The following GTF2IRD1 variants were observed in gnomAD, a reference collection of about 807,000 sequenced individuals.
GTF2IRD1 encodes the protein GTF2I repeat domain containing 1.
GTF2IRD1 carries 26 observed loss-of-function variants against 113.2 expected under a neutral mutation model. The ratio of observed to expected loss-of-function variants is 0.23; its 90% CI spans 0.17 to 0.32. The LOEUF is 0.32. GTF2IRD1 is among the 10% of genes least tolerant of loss of function. The pLI is 1.00. For synonymous variants in GTF2IRD1, 484 were observed against 529.1 expected (o/e 0.91, Z 1.17); for missense variants, 864 against 1,280.8 (o/e 0.67, Z 4.97).
At chr7:74,591,835 G>A (rs1208546916) in intron 24 of GTF2IRD1, among the ~76,000 whole-genome samples, 5 of 151,688 alleles carry the variant, frequency 3.3e-5, no homozygotes, top group Admixed American at 3.3e-4. Flanking sequence ...GCCCAGGCTG[G>A]TCTTGAACTC....
rs782719821 is a variant in GTF2IRD1, at chr7:74,555,177, C to T, written c.1920C>T (p.Pro640=). Residue 640 remains proline (P), a synonymous_variant, in exon 18 of 27, where the codon CCC becomes CCT. Transcript: ENST00000424337. The surrounding 1 kb of genome is among the most constrained non-coding windows in gnomAD (Gnocchi z 5.3). ...SNSIQFVIKR[P]ELLTEGVKEP... Reference sequence around the variant, plus strand: ...TAGCCTCGCTTGTGTTTTCCAGGCCCGAGCTGCTCACTGAGGGAGTCAAAG... The same window carrying T: ...TAGCCTCGCTTGTGTTTTCCAGGCCTGAGCTGCTCACTGAGGGAGTCAAAG... 29 of 1,613,606 alleles carry T rather than the reference C, an allele frequency of 1.8e-5. No individual in the cohort carries two copies. Among genetic ancestry groups the T allele is most frequent in the Non-Finnish European group, 2.3e-5 (27 of 1,179,900 alleles).
intron 1 of GTF2IRD1, among the ~76,000 whole-genome samples, chr7:74,486,127 C>T (rs368943428): frequency 5.3e-5 from 8 of 152,148 alleles, no homozygotes; most frequent in Middle Eastern, 3.4e-3. Flanking sequence ...CCCAACACCA[C>T]GCCCAGCTAA....
chr7:74,570,778 G>A lies in GTF2IRD1; in HGVS notation c.2320+11123G>A, dbSNP rs2130865198. 2.0e-5 allele frequency among the ~76,000 whole-genome samples: 3 copies of A among 152,320 alleles called. No homozygotes were observed. In the Middle Eastern group the frequency reaches 0.01, roughly 518 times the overall value. ...AGAGGTTGAGCTGCCACTCACTAGA[G>A]AGGCCGCTTCCTATAGGGCTTGCTG... On this transcript the variant is annotated intron_variant, in intron 22 of 26. Transcript: ENST00000424337.
chr7:74,555,525 TC>T lies in GTF2IRD1; in HGVS notation c.2023+34del. The T allele has an allele frequency of 7.3e-7, 1 of 1,369,560 alleles. No individual in the cohort carries two copies. Among genetic ancestry groups the T allele is most frequent in the Non-Finnish European group, 1.0e-6 (1 of 957,474 alleles). 84.8% of individuals were successfully genotyped at this position (1,369,560 alleles called of 1,614,324 possible). ...GTTGAGCTCACGGGGAGGTCTGTTG[TC>T]CCAGCACCAGGACATTGACCTGGTT... On this transcript the variant is annotated intron_variant, in intron 19 of 26. Transcript: ENST00000424337. The surrounding 1 kb of genome is among the most constrained non-coding windows in gnomAD (Gnocchi z 5.3).
At chr7:74,560,444 T>C (rs1293108974) in intron 22 of GTF2IRD1, among the ~76,000 whole-genome samples, 1 of 147,494 alleles carries the variant, frequency 6.8e-6, no homozygotes, top group African/African-American at 2.5e-5. Flanking sequence ...TTTAAAAAAA[T>C]ATTTTATATA....
At chr7:74,545,338 C>T (rs1325802247) in intron 15 of GTF2IRD1, among the ~76,000 whole-genome samples, 1 of 152,012 alleles carries the variant, frequency 6.6e-6, no homozygotes, top group Non-Finnish European at 1.5e-5. Context: ...TCCCCAAACC[C>T]AGCCTGGCAG....
intron 1 of GTF2IRD1, among the ~76,000 whole-genome samples, chr7:74,484,111 G>A (rs1476117416): frequency 6.6e-6 from 1 of 152,128 alleles, no homozygotes; most frequent in Non-Finnish European, 1.5e-5. Context: ...TCCATTCTGG[G>A]ACAGTTCTTC....
chr7:74,518,036 A>G, intron 4 of GTF2IRD1, 103 bp from the exon 5 acceptor site: 4 of 735,182 alleles, frequency 5.4e-6, no homozygotes, highest in Non-Finnish European at 8.4e-6. Context: ...CCCCGCACCA[A>G]GGGGAGCCAC....
Position 74,476,403 on chromosome 7 carries a change from C to T in GTF2IRD1, c.-7+22227C>T, listed in dbSNP as rs765534740. Among the ~76,000 whole-genome samples the T allele has an allele frequency of 1.6e-4, 19 of 119,208 alleles. 1 individual carries two copies. The highest frequency in any genetic ancestry group is 5.5e-4 in the South Asian group (2 of 3,624). The allele number at this position is 119,208 out of a possible 152,430, so 78.2% of individuals were successfully genotyped here. On this transcript the variant is annotated intron_variant, in intron 1 of 26. Coordinates refer to ENST00000424337, the MANE Select transcript of GTF2IRD1 (RefSeq NM_005685.4). Reference sequence around the variant, plus strand: ...CTTTTGAGACGGAGTCTCACTCTGTCGCCCAGGCTGGAGTGCAGCGGTGCG... The same window carrying T: ...CTTTTGAGACGGAGTCTCACTCTGTTGCCCAGGCTGGAGTGCAGCGGTGCG...
intron 17 of GTF2IRD1, among the ~76,000 whole-genome samples, chr7:74,552,844 T>C (rs1799390638): frequency 6.6e-6 from 1 of 152,190 alleles, no homozygotes; most frequent in Admixed American, 6.5e-5. Flanking sequence ...GTTTGTTTTC[T>C]ATTTTTTGAG....
chr7:74,536,263 C>G lies in GTF2IRD1; in HGVS notation c.1397C>G (p.Ala466Gly). 6.2e-7 allele frequency: 1 copy of G among 1,604,744 alleles called. No individual in the cohort carries two copies. The change falls in exon 11 of 27, where the codon GCT becomes GGT. Residue 466 changes from alanine to glycine, a missense_variant. Coordinates refer to ENST00000424337, the MANE Select transcript of GTF2IRD1 (RefSeq NM_005685.4). ...EVSRATVLDL[A>G]GNARSDKGSM... Reference sequence around the variant, plus strand: ...TCTAGGGCCACCGTCCTTGACCTTGCTGGGAATGCTCGGTGAGGCCCCGCC... The same window carrying G: ...TCTAGGGCCACCGTCCTTGACCTTGGTGGGAATGCTCGGTGAGGCCCCGCC...
chr7:74,480,681 G>A (rs544665328), intron 1 of GTF2IRD1, among the ~76,000 whole-genome samples: 6 of 152,298 alleles, frequency 3.9e-5, no homozygotes, highest in South Asian at 4.1e-4. Flanking sequence ...TCTGCCCGGC[G>A]GATCCTGGCC....
intron 1 of GTF2IRD1, among the ~76,000 whole-genome samples, chr7:74,499,844 TAGTG>T (rs1404224678): frequency 2.6e-5 from 4 of 151,532 alleles, no homozygotes; most frequent in East Asian, 1.9e-4. Flanking sequence ...ACCAAGTAAT[TAGTG>T]AATGAATGAA....
At chr7:74,519,300 T>C (rs1372353104) in intron 5 of GTF2IRD1, 109 bp from the exon 6 acceptor site, 1 of 684,458 alleles carries the variant, frequency 1.5e-6, no homozygotes, top group Non-Finnish European at 2.4e-6. Context: ...GCCCTCCTCA[T>C]GGGGCTGTTA....
intron 22 of GTF2IRD1, among the ~76,000 whole-genome samples, chr7:74,574,788 TAA>T (rs587728538): frequency 1.5e-5 from 2 of 134,428 alleles, no homozygotes; most frequent in Non-Finnish European, 1.6e-5. Context: ...CAACACTGAT[TAA>T]AAAAAAAAAA....
At chr7:74,564,870 G>A (rs1554360218) in intron 22 of GTF2IRD1, among the ~76,000 whole-genome samples, 1 of 152,182 alleles carries the variant, frequency 6.6e-6, no homozygotes, top group African/African-American at 2.4e-5. Flanking sequence ...GCTCTGACAT[G>A]CTGAGTGGCG....
intron 25 of GTF2IRD1, among the ~76,000 whole-genome samples, chr7:74,596,948 G>A (rs1228286309): frequency 6.6e-6 from 1 of 152,158 alleles, no homozygotes; most frequent in Non-Finnish European, 1.5e-5. Flanking sequence ...GTAGTCCCAG[G>A]AGGCTGAGGC....
At chr7:74,480,491 G>A (rs1284643586) in intron 1 of GTF2IRD1, among the ~76,000 whole-genome samples, 2 of 152,240 alleles carry the variant, frequency 1.3e-5, no homozygotes, top group Non-Finnish European at 2.9e-5. Flanking sequence ...GTCCCCGCCG[G>A]CTGACAGCCC....
intron 1 of GTF2IRD1, among the ~76,000 whole-genome samples, chr7:74,496,722 T>A (rs1340622937): frequency 6.6e-6 from 1 of 151,990 alleles, no homozygotes; most frequent in Non-Finnish European, 1.5e-5. Context: ...GGGGCAGAGA[T>A]GTGCTTGTTA....
Sources: gnomAD v4.1 joint callset for allele counts (sites outside exome capture counted in the v4.1 genomes callset) on GRCh38, gnomAD v4.1.1 for gene constraint, Gnocchi (gnomAD v3.1) non-coding constraint, MANE v1.5 for transcripts, NCBI Gene and HGNC (gene_info 2026-07-23, HGNC 2026-07-21) for gene names.